The following NNT variants were observed in gnomAD, a reference collection of about 807,000 sequenced individuals.
NNT encodes NAD(P) transhydrogenase, mitochondrial.
NNT carries 50 observed loss-of-function variants against 104.8 expected under a neutral mutation model. The observed-to-expected ratio is 0.48, with a 90% CI of 0.38 to 0.60. The LOEUF is 0.60. Among genes scored for constraint, NNT ranks in the 20% least tolerant of loss-of-function variants. The probability of loss-of-function intolerance (pLI) is 0.00; values close to 1 mark genes in which losing one functional copy is unlikely to be tolerated. For synonymous variants in NNT, 461 were observed against 490.4 expected (o/e 0.94, Z 0.79); for missense variants, 1,131 against 1,330.7 (o/e 0.85, Z 2.33).
chr5:43,664,149 C>G (rs1020136174), intron 17 of NNT, among the ~76,000 whole-genome samples: 2 of 152,144 alleles, frequency 1.3e-5, no homozygotes, highest in Non-Finnish European at 2.9e-5. Flanking sequence ...ACACAATACC[C>G]AAGATTATAA....
chr5:43,698,865 T>C (rs963560035), intron 19 of NNT, among the ~76,000 whole-genome samples: 4 of 150,174 alleles, frequency 2.7e-5, no homozygotes, highest in East Asian at 1.9e-4. Flanking sequence ...CACACACACA[T>C]ATATATGTAG....
intron 10 of NNT, chr5:43,648,235 A>T: frequency 9.6e-7 from 1 of 1,045,766 alleles, no homozygotes; most frequent in Non-Finnish European, 1.2e-6. Context: ...ATGTAAAATT[A>T]ATGTCAATCC....
intron 17 of NNT, among the ~76,000 whole-genome samples, chr5:43,662,008 G>C (rs1195516454): frequency 6.6e-6 from 1 of 152,214 alleles, no homozygotes; most frequent in Non-Finnish European, 1.5e-5. Flanking sequence ...AGTTAAATGG[G>C]AGGATTTGAA....
intron 14 of NNT, among the ~76,000 whole-genome samples, chr5:43,655,299 C>T (rs956172069): frequency 2.6e-5 from 4 of 152,038 alleles, no homozygotes; most frequent in Non-Finnish European, 5.9e-5. Flanking sequence ...GGAGTTGGGT[C>T]GTGCTTAGGT....
rs1580144405 is a variant in NNT, at chr5:43,704,587, T to A, written c.*183T>A. 2.0e-6 allele frequency: 1 copy of A among 503,698 alleles called. No individual in the cohort carries two copies. Among genetic ancestry groups the A allele is most frequent in the Non-Finnish European group, 3.4e-6 (1 of 296,124 alleles). The allele number at this position is 503,698 out of a possible 1,614,324, so 31.2% of individuals were successfully genotyped here. A position where few individuals can be genotyped will look rare whatever the true frequency, so the allele number is the denominator to read the frequency against. On this transcript the variant is annotated 3_prime_UTR_variant, in exon 22 of 22. Transcript: ENST00000344920. ...TTCAAAAGCAGTAATCCCTCAATTT[T>A]AAAAAAGGATTGAAAATTCTAAATG...
At chr5:43,681,679 C>T (rs988852564) in intron 19 of NNT, among the ~76,000 whole-genome samples, 8 of 152,166 alleles carry the variant, frequency 5.3e-5, no homozygotes, top group South Asian at 2.1e-4. Context: ...GGATTACAGG[C>T]GTGAGCCACC....
At chr5:43,690,465 G>GA (rs1315512911) in intron 19 of NNT, among the ~76,000 whole-genome samples, 1 of 152,178 alleles carries the variant, frequency 6.6e-6, no homozygotes, top group Admixed American at 6.5e-5. Context: ...GGAATTAGGA[G>GA]ATGCTTATTG....
At chr5:43,642,381 A>G (rs1323768712) in intron 7 of NNT, among the ~76,000 whole-genome samples, 1 of 152,190 alleles carries the variant, frequency 6.6e-6, no homozygotes, top group Non-Finnish European at 1.5e-5. Context: ...GCTTCCTCAA[A>G]TTCTCATGGT....
chr5:43,635,300 A>G (rs971347653), intron 7 of NNT, among the ~76,000 whole-genome samples: 2 of 152,180 alleles, frequency 1.3e-5, no homozygotes, highest in African/African-American at 4.8e-5. Context: ...GGGTTAGGAC[A>G]GTGTTGCCAT....
At position 43,649,577 on chromosome 5, in the gene NNT, C is replaced by CTTT. The variant is rs35437854; in HGVS notation, c.1606+282_1606+284dup. Among the ~76,000 whole-genome samples, 6 of 140,654 alleles carry CTTT rather than the reference C, an allele frequency of 4.3e-5. No individual in the cohort carries two copies. In the East Asian group the frequency reaches 8.1e-4, roughly 19 times the overall value. The allele number at this position is 140,654 out of a possible 152,430, so 92.3% of individuals were successfully genotyped here. A position where few individuals can be genotyped will look rare whatever the true frequency, so the allele number is the denominator to read the frequency against. The stretch of plus-strand genomic sequence containing the variant: ...ACTGTTATTTCTTCCAAGTTTGATC[C>CTTT]TTTTTTTTTTTTTTTAAAGAAAAGG... On this transcript the variant is annotated intron_variant, in intron 11 of 21. Coordinates refer to ENST00000344920, the MANE Select transcript of NNT (RefSeq NM_182977.3).
chr5:43,691,471 G>C (rs1742282488), intron 19 of NNT, among the ~76,000 whole-genome samples: 1 of 152,012 alleles, frequency 6.6e-6, no homozygotes, highest in African/African-American at 2.4e-5. Context: ...AGTGCCCTCT[G>C]ATCTTTTAAA....
chr5:43,689,398 T>G (rs559900389), intron 19 of NNT, among the ~76,000 whole-genome samples: 2 of 152,344 alleles, frequency 1.3e-5, no homozygotes, highest in East Asian at 3.9e-4. Context: ...TTAGCTTAAT[T>G]AAGTCCCATC....
At chr5:43,647,178 GAGTA>G (rs1199987396) in intron 10 of NNT, among the ~76,000 whole-genome samples, 8 of 152,166 alleles carry the variant, frequency 5.3e-5, no homozygotes, top group Admixed American at 3.9e-4. Context: ...CTTGAATAAA[GAGTA>G]AGTCTCAGCA....
rs565223816 is a variant in NNT at position 43,653,008 on chromosome 5, C to T, written c.1864-10C>T. 2.3e-5 allele frequency: 37 copies of T among 1,594,598 alleles called. No individual in the cohort carries two copies. In the African/African-American group the frequency reaches 4.4e-4, roughly 19 times the overall value. ...TTTAATAATCTCTCTCTCACTTTTC[C>T]TTTGAAAAGATCATGTACCTAGGCT... On this transcript the variant is annotated splice_polypyrimidine_tract_variant and intron_variant, in intron 13 of 21. Coordinates refer to ENST00000344920, the MANE Select transcript of NNT (RefSeq NM_182977.3).
intron 19 of NNT, among the ~76,000 whole-genome samples, chr5:43,687,009 G>A (rs994770019): frequency 1.3e-5 from 2 of 152,098 alleles, no homozygotes; most frequent in Non-Finnish European, 2.9e-5. Flanking sequence ...GTATAAATCA[G>A]TATACTTTAT....
At chr5:43,661,405 AT>A (rs933137910) in intron 17 of NNT, among the ~76,000 whole-genome samples, 2 of 151,586 alleles carry the variant, frequency 1.3e-5, no homozygotes, top group African/African-American at 4.8e-5. Context: ...TTATTTATTT[AT>A]TTATTTATTT....
At chr5:43,649,115 G>A (rs375212387) in intron 10 of NNT, 32 bp from the exon 11 acceptor site, 4 of 1,610,554 alleles carry the variant, frequency 2.5e-6, no homozygotes, top group Non-Finnish European at 3.4e-6. Flanking sequence ...CTGGATGTCA[G>A]CTCAAACACA....
intron 7 of NNT, among the ~76,000 whole-genome samples, chr5:43,631,464 A>G (rs1019367824): frequency 3.6e-4 from 55 of 152,198 alleles, no homozygotes; most frequent in Non-Finnish European, 2.2e-4. Context: ...TCTGAGAGGC[A>G]GCTGCGCATT....
chr5:43,631,136 C>G (rs1222425171), intron 7 of NNT, among the ~76,000 whole-genome samples: 1 of 152,164 alleles, frequency 6.6e-6, no homozygotes, highest in Non-Finnish European at 1.5e-5. Context: ...CCGCATCCCC[C>G]CAGAGCGGCT....
Sources: allele counts gnomAD v4.1 joint callset (sites outside exome capture counted in the v4.1 genomes callset), GRCh38; gene constraint gnomAD v4.1.1; transcripts MANE v1.5; gene names NCBI Gene and HGNC (gene_info 2026-07-23, HGNC 2026-07-21).